The following EIF2A variants were observed in gnomAD, a reference collection of about 807,000 sequenced individuals.
EIF2A encodes 65 kDa eukaryotic translation initiation factor 2A.
In EIF2A, 62 loss-of-function variants were observed where a neutral mutation model predicts 75.2. That is an observed-to-expected ratio of 0.82 (90% confidence interval 0.67 to 1.02). The LOEUF is 1.02. Among genes scored for constraint, EIF2A ranks in the 50% least tolerant of loss-of-function variants. The pLI, the probability that EIF2A is intolerant of heterozygous loss-of-function variation, is 0.00. For missense variants in EIF2A, 611 were observed against 677.7 expected (o/e 0.90, Z 1.09); for synonymous variants, 207 against 239.0 (o/e 0.87, Z 1.23).
At position 150,567,709 on chromosome 3, in the gene EIF2A, A is replaced by G. The variant is rs1209191242; in HGVS notation, c.492A>G (p.Lys164=). 3.2e-6 allele frequency: 5 copies of G among 1,546,844 alleles called. No individual in the cohort carries two copies. The South Asian group carries it at 6.0e-5, about 19-fold the overall frequency. The part of the protein sequence containing the change: ...ENNNFNTIAN[K]LHLQKINDFV... ...TTTTTTTAGACACAATTGCAAATAA[A>G]TTGCATTTGCAAAAAATTAATGATT... The change falls in exon 7 of 14, where the codon AAA becomes AAG. Residue 164 remains lysine (K), a synonymous_variant. Coordinates refer to ENST00000460851, the MANE Select transcript of EIF2A (RefSeq NM_032025.5).
chr3:150,583,011 CAT>C (rs1725277253), intron 12 of EIF2A, 187 bp from the exon 13 acceptor site: 3 of 556,874 alleles, frequency 5.4e-6, no homozygotes, highest in Non-Finnish European at 9.4e-6. Context: ...TGCCAAATCT[CAT>C]GTTTTTAACA....
Position 150,584,583 on chromosome 3 carries a change from T to C in EIF2A, c.*672T>C, listed in dbSNP as rs542053323. Among the ~76,000 whole-genome samples, 1 of 152,330 alleles carries C rather than the reference T, an allele frequency of 6.6e-6. No individual in the cohort carries two copies. The highest frequency in any genetic ancestry group is 1.9e-4 in the East Asian group (1 of 5,186). ...TTTATACTTGCACCATTTAAAGTTT[T>C]CCACACTGTTGGCAATATCAGAAGT... On this transcript the variant is annotated 3_prime_UTR_variant, in exon 14 of 14. Coordinates refer to ENST00000460851, the MANE Select transcript of EIF2A (RefSeq NM_032025.5).
intron 12 of EIF2A, 171 bp from the exon 13 acceptor site, chr3:150,583,029 A>C: frequency 1.7e-6 from 1 of 595,950 alleles, no homozygotes; most frequent in Non-Finnish European, 2.9e-6. Context: ...TAACATTTAC[A>C]ATTTTGCATT....
At position 150,572,043 on chromosome 3, in the gene EIF2A, G is replaced by T. The variant is rs770163717; in HGVS notation, c.897G>T (p.Ala299=). 1.9e-6 allele frequency: 3 copies of T among 1,613,890 alleles called. No individual in the cohort carries two copies. Among genetic ancestry groups the T allele is most frequent in the Non-Finnish European group, 2.5e-6 (3 of 1,179,886 alleles). ...CAVYGFMPAK[A]TIFNLKCDPV... ...TATATGGTTTTATGCCTGCCAAAGC[G>T]ACAATTTTCAACTTGAAATGTGATC... The change falls in exon 10 of 14, where the codon GCG becomes GCT. Residue 299 remains alanine, a synonymous_variant. Coordinates refer to ENST00000460851, the MANE Select transcript of EIF2A (RefSeq NM_032025.5).
chr3:150,564,451 ACAT>A, intron 6 of EIF2A, 70 bp downstream of exon 6: 1 of 1,258,608 alleles, frequency 7.9e-7, no homozygotes, highest in Non-Finnish European at 1.1e-6. Flanking sequence ...AACTTTTATG[ACAT>A]CATAGGGTTT....
At chr3:150,577,938 C>T (rs1007996204) in intron 11 of EIF2A, among the ~76,000 whole-genome samples, 3 of 152,134 alleles carry the variant, frequency 2.0e-5, no homozygotes, top group Non-Finnish European at 4.4e-5. Flanking sequence ...CCAGAAGTAT[C>T]TTAATTGGTC....
In EIF2A at chr3:150,572,462, A is replaced by C; in HGVS notation, c.1316A>C (p.Glu439Ala). The change falls in exon 10 of 14, where the codon GAA becomes GCA. Residue 439 changes from glutamate to alanine, a missense_variant. Glu to Ala is a moderately radical substitution (Grantham distance 107). Coordinates refer to ENST00000460851, the MANE Select transcript of EIF2A (RefSeq NM_032025.5). Reference sequence around the variant, plus strand: ...GTTCCAAGTGAAGTACCCAATGAGGAACCTAAAGTTGCAACAGCTTATAGA... The same window carrying C: ...GTTCCAAGTGAAGTACCCAATGAGGCACCTAAAGTTGCAACAGCTTATAGA... ...QAVPSEVPNE[E>A]PKVATAYRPP... The C allele has an allele frequency of 6.2e-7, 1 of 1,614,010 alleles. No homozygotes were observed. The highest frequency in any genetic ancestry group is 8.5e-7 in the Non-Finnish European group (1 of 1,179,888).
chr3:150,575,921 T>G (rs1227661188), intron 11 of EIF2A, among the ~76,000 whole-genome samples, 159 bp downstream of exon 11: 1 of 152,004 alleles, frequency 6.6e-6, no homozygotes, highest in African/African-American at 2.4e-5. Flanking sequence ...AAACCCTGTC[T>G]CTACTAAAAA....
intron 5 of EIF2A, among the ~76,000 whole-genome samples, chr3:150,564,009 G>A (rs1332799449): frequency 6.6e-6 from 1 of 152,036 alleles, no homozygotes; most frequent in Non-Finnish European, 1.5e-5. Flanking sequence ...AGTAGAGATG[G>A]GGTTTCACCA....
intron 9 of EIF2A, among the ~76,000 whole-genome samples, chr3:150,569,601 G>T (rs1276230710): frequency 1.3e-5 from 2 of 151,992 alleles, no homozygotes; most frequent in Non-Finnish European, 2.9e-5. Flanking sequence ...CAGATCATGA[G>T]GTCAGGAGAT....
intron 2 of EIF2A, among the ~76,000 whole-genome samples, chr3:150,555,895 A>T (rs1559875187): frequency 6.6e-6 from 1 of 152,170 alleles, no homozygotes; most frequent in African/African-American, 2.4e-5. Flanking sequence ...CACAAAATAT[A>T]GCCAACTTGC....
chr3:150,560,612 T>C (rs893334474), intron 3 of EIF2A, among the ~76,000 whole-genome samples: 7 of 152,138 alleles, frequency 4.6e-5, no homozygotes, highest in Admixed American at 2.6e-4. Context: ...TATGTGGTAA[T>C]TTTTCATTCT....
intron 10 of EIF2A, 96 bp downstream of exon 10, chr3:150,572,625 C>A: frequency 8.3e-7 from 1 of 1,208,340 alleles, no homozygotes; most frequent in Non-Finnish European, 1.2e-6. Context: ...GAGGCCGAGG[C>A]GGGAGGATCA....
chr3:150,564,546 A>T (rs1238177241), intron 6 of EIF2A, 165 bp downstream of exon 6: 11 of 466,920 alleles, frequency 2.4e-5, no homozygotes, highest in Non-Finnish European at 3.6e-5. Flanking sequence ...ATTCAGTGAA[A>T]ATCTGTAACA....
chr3:150,558,366 C>CT (rs11379788), intron 2 of EIF2A, 22 bp from the exon 3 acceptor site: 200,876 of 1,312,770 alleles, frequency 0.15, 5,455 homozygotes, highest in African/African-American at 0.18. Context: ...TCATTTAAAC[C>CT]TTTTTTTTTT....
chr3:150,563,495 A>G lies in EIF2A; in HGVS notation c.293-20A>G. On this transcript the variant is annotated intron_variant, in intron 4 of 13. Transcript: ENST00000460851. ...CAAATGTTACAAGGCAATTACTGAA[A>G]AAAAGAAATTTTATTGCAGCTTCTA... The G allele has an allele frequency of 2.0e-6, 3 of 1,538,366 alleles. No individual in the cohort carries two copies. The highest frequency in any genetic ancestry group is 2.6e-6 in the Non-Finnish European group (3 of 1,141,936).
intron 11 of EIF2A, 145 bp downstream of exon 11, chr3:150,575,907 G>A (rs1724837541): frequency 1.6e-6 from 1 of 627,562 alleles, no homozygotes; most frequent in African/African-American, 1.9e-5. Flanking sequence ...TGGCCAACGT[G>A]GTGAAACCCT....
chr3:150,549,303 C>T (rs1723203724), intron 1 of EIF2A, among the ~76,000 whole-genome samples: 2 of 151,538 alleles, frequency 1.3e-5, no homozygotes, highest in South Asian at 4.2e-4. Flanking sequence ...GCTGCAACCT[C>T]CACCTCCCAA....
Position 150,585,938 on chromosome 3 carries a change from C to G in EIF2A, c.*2027C>G, listed in dbSNP as rs910101153. 6.6e-6 allele frequency among the ~76,000 whole-genome samples: 1 copy of G among 152,194 alleles called. No individual in the cohort carries two copies. The highest frequency in any genetic ancestry group is 2.4e-5 in the African/African-American group (1 of 41,444). On this transcript the variant is annotated 3_prime_UTR_variant, in exon 14 of 14. Coordinates refer to ENST00000460851, the MANE Select transcript of EIF2A (RefSeq NM_032025.5). Reference sequence around the variant, plus strand: ...TAAGCCAGAGAGTCCTCACCAGAACCTAACCATGCTGGTGATATCCTCATC... The same window carrying G: ...TAAGCCAGAGAGTCCTCACCAGAACGTAACCATGCTGGTGATATCCTCATC...
Sources: gnomAD v4.1 joint callset for allele counts (sites outside exome capture counted in the v4.1 genomes callset) on GRCh38, gnomAD v4.1.1 for gene constraint, MANE v1.5 for transcripts, NCBI Gene and HGNC (gene_info 2026-07-23, HGNC 2026-07-21) for gene names.